Variants in KCND3 observed in about 807,000 individuals in gnomAD.
The protein encoded by KCND3 is potassium voltage-gated channel subfamily D member 3.
Under a neutral mutation model 51.1 loss-of-function variants are expected in KCND3, and 9 were observed. That is an observed-to-expected ratio of 0.18 (90% CI 0.11 to 0.31). KCND3 has a LOEUF of 0.31. KCND3 is among the 10% of genes least tolerant of loss of function. The pLI, the probability that KCND3 is intolerant of heterozygous loss-of-function variation, is 1.00. For synonymous variants in KCND3, 349 were observed against 368.0 expected, an observed-to-expected ratio of 0.95 and a Z score of 0.59; for missense variants, 526 against 903.8, an observed-to-expected ratio of 0.58 and a Z score of 5.36.
intron 2 of KCND3, among the ~76,000 whole-genome samples, chr1:111,959,915 G>A (rs1255380318): frequency 6.6e-6 from 1 of 152,024 alleles, no homozygotes; most frequent in Non-Finnish European, 1.5e-5. Flanking sequence ...TGAATCATGG[G>A]GGTGGTCTCC....
intron 2 of KCND3, among the ~76,000 whole-genome samples, chr1:111,934,753 G>C (rs1214275628): frequency 3.3e-5 from 5 of 152,160 alleles, no homozygotes; most frequent in Non-Finnish European, 7.3e-5. Context: ...TCTGGAGTCT[G>C]GGTCTGTATC....
Position 111,775,984 on chromosome 1 carries a change from G to A in KCND3, c.*93C>T. 1 of 1,353,870 alleles carries A rather than the reference G, an allele frequency of 7.4e-7. No individual in the cohort carries two copies. Among genetic ancestry groups the A allele is most frequent in the Non-Finnish European group, 1.1e-6 (1 of 947,228 alleles). 83.9% of individuals were successfully genotyped at this position (1,353,870 alleles called of 1,614,324 possible). On this transcript the variant is annotated 3_prime_UTR_variant, in exon 8 of 8. Transcript: ENST00000302127. ...CAATGGGGCAGGCAGAAATAGTGGG[G>A]AAAGGGGGGAGGGAGTGGTCTCAGT...
rs1315563414 is a variant in KCND3, at chr1:111,981,564, G to A, written c.1106+57C>T. 8 of 1,612,148 alleles carry A rather than the reference G, an allele frequency of 5.0e-6. No homozygotes were observed. The highest frequency in any genetic ancestry group is 1.7e-5 in the Admixed American group (1 of 59,988). ...TGGTGACACCATCCAAGGTTTCAGA[G>A]GTCATCCAGCTGCCCTCCAACCTCC... is the stretch of plus-strand genomic sequence containing the variant. On this transcript the variant is annotated intron_variant, in intron 2 of 7. Coordinates refer to ENST00000302127, the MANE Select transcript of KCND3 (RefSeq NM_001378969.1). The surrounding 1 kb of genome is among the most constrained non-coding windows in gnomAD (Gnocchi z 6.2).
At chr1:111,785,886 A>G (rs988718872) in intron 3 of KCND3, among the ~76,000 whole-genome samples, 1 of 152,184 alleles carries the variant, frequency 6.6e-6, no homozygotes, top group African/African-American at 2.4e-5. Context: ...AGGGCCGACC[A>G]CATAGTACGT....
chr1:111,848,169 G>A lies in KCND3; in HGVS notation c.1107-61063C>T, dbSNP rs138640320. Among the ~76,000 whole-genome samples the A allele has an allele frequency of 1.1e-4, 17 of 152,298 alleles. No individual in the cohort carries two copies. The East Asian group carries it at 1.5e-3, about 14-fold the overall frequency. On this transcript the variant is annotated intron_variant, in intron 2 of 7. Transcript: ENST00000302127. The stretch of plus-strand genomic sequence containing the variant: ...TGGCCCACTCCTCAGCCACGCGATC[G>A]CCTGGAAGTCCCTGATACTAAGGGA...
intron 2 of KCND3, among the ~76,000 whole-genome samples, chr1:111,871,976 T>C (rs1230160113): frequency 6.6e-6 from 1 of 152,080 alleles, no homozygotes; most frequent in East Asian, 1.9e-4. Context: ...GCCTGAGAAA[T>C]GGTCAGTACC....
At chr1:111,844,397 G>A (rs1667459060) in intron 2 of KCND3, among the ~76,000 whole-genome samples, 1 of 151,946 alleles carries the variant, frequency 6.6e-6, no homozygotes, top group East Asian at 1.9e-4. Context: ...TACAAAGAAG[G>A]TACACACGTC....
chr1:111,872,292 C>T (rs1281316254), intron 2 of KCND3, among the ~76,000 whole-genome samples: 1 of 152,186 alleles, frequency 6.6e-6, no homozygotes, highest in African/African-American at 2.4e-5. Flanking sequence ...AGAAGCACCA[C>T]AGAAAAGTGC....
At chr1:111,895,672 C>G (rs1354013838) in intron 2 of KCND3, among the ~76,000 whole-genome samples, 1 of 152,224 alleles carries the variant, frequency 6.6e-6, no homozygotes, top group East Asian at 1.9e-4. Context: ...GGAGTAACCC[C>G]TTCTCCATAT....
intron 2 of KCND3, among the ~76,000 whole-genome samples, chr1:111,879,697 T>C (rs1434040660): frequency 6.6e-6 from 1 of 152,236 alleles, no homozygotes; most frequent in Non-Finnish European, 1.5e-5. Flanking sequence ...GTCTCTGCAG[T>C]TCCTCAAGGT....
At chr1:111,877,055 T>C (rs1158207316) in intron 2 of KCND3, among the ~76,000 whole-genome samples, 1 of 152,254 alleles carries the variant, frequency 6.6e-6, no homozygotes, top group Non-Finnish European at 1.5e-5. Flanking sequence ...TGCCAGGCTC[T>C]GTGCTAAATG....
intron 2 of KCND3, among the ~76,000 whole-genome samples, chr1:111,888,878 G>C (rs912303911): frequency 6.6e-6 from 1 of 151,914 alleles, no homozygotes; most frequent in African/African-American, 2.4e-5. Flanking sequence ...GGTGAGGAGA[G>C]GCTGCAGAGG....
chr1:111,980,454 A>G (rs779201504), intron 2 of KCND3, among the ~76,000 whole-genome samples: 4 of 151,936 alleles, frequency 2.6e-5, no homozygotes, highest in Non-Finnish European at 4.4e-5. Context: ...ACGCAGCACT[A>G]TGGAAAAACC....
chr1:111,911,842 C>T (rs1387294331), intron 2 of KCND3, among the ~76,000 whole-genome samples: 2 of 152,170 alleles, frequency 1.3e-5, no homozygotes, highest in African/African-American at 4.8e-5. Flanking sequence ...GGACTATGAT[C>T]CTTGAGAGAG....
intron 2 of KCND3, among the ~76,000 whole-genome samples, chr1:111,930,835 T>C (rs1295601587): frequency 2.0e-5 from 3 of 152,190 alleles, no homozygotes; most frequent in Admixed American, 6.5e-5. Context: ...CGTGACATGC[T>C]GGAAATGCCA....
chr1:111,784,072 T>G (rs550128112), intron 3 of KCND3, among the ~76,000 whole-genome samples: 1 of 151,070 alleles, frequency 6.6e-6, no homozygotes, highest in East Asian at 2.0e-4. Context: ...CTGTTCAGTC[T>G]CTTGACCGTG....
chr1:111,777,090 G>C lies in KCND3; in HGVS notation c.1702C>G (p.Arg568Gly). 1 of 1,614,052 alleles carries C rather than the reference G, an allele frequency of 6.2e-7. No individual in the cohort carries two copies. The highest frequency in any genetic ancestry group is 8.5e-7 in the Non-Finnish European group (1 of 1,179,952). Residue 568 changes from arginine (R) to glycine (G), a missense_variant, in exon 7 of 8, where the codon CGC becomes GGC. Arg to Gly is a moderately radical substitution (Grantham distance 125). Coordinates refer to ENST00000302127, the MANE Select transcript of KCND3 (RefSeq NM_001378969.1). ...PNSNLPATRLRSMQELSTIHI... is the reference protein window; with the variant it reads ...PNSNLPATRLGSMQELSTIHI... ...ATCGTGCTGAGCTCTTGCATGCTGC[G>C]CAGGCGAGTAGCTGGCAGGTTAGAA... is the stretch of plus-strand genomic sequence containing the variant.
Position 111,896,289 on chromosome 1 carries a change from G to A in KCND3, c.1106+85332C>T, listed in dbSNP as rs184064474. Among the ~76,000 whole-genome samples, 565 of 152,342 alleles carry A rather than the reference G, an allele frequency of 3.7e-3. 2 individuals are homozygous for A. Among genetic ancestry groups the A allele is most frequent in the African/African-American group, 0.013 (527 of 41,576 alleles). ...GCTTCTCTTCTGAGTTGGAGGTGGT[G>A]AGAACACAGGAGGGGACTGACCCCC... On this transcript the variant is annotated intron_variant, in intron 2 of 7. Coordinates refer to ENST00000302127, the MANE Select transcript of KCND3 (RefSeq NM_001378969.1).
chr1:111,899,978 C>T (rs1389959574), intron 2 of KCND3, among the ~76,000 whole-genome samples: 3 of 152,130 alleles, frequency 2.0e-5, no homozygotes, highest in Non-Finnish European at 4.4e-5. Flanking sequence ...GGGCACTGAT[C>T]GGGGCATTAC....
Sources: gnomAD v4.1 joint callset for allele counts (sites outside exome capture counted in the v4.1 genomes callset) on GRCh38, gnomAD v4.1.1 for gene constraint, Gnocchi (gnomAD v3.1) non-coding constraint, MANE v1.5 for transcripts, NCBI Gene and HGNC (gene_info 2026-07-23, HGNC 2026-07-21) for gene names.